FGD4: variants seen among roughly 807,000 people sequenced by gnomAD.
The protein encoded by FGD4 is FYVE, RhoGEF and PH domain containing 4.
Under a neutral mutation model 102.0 loss-of-function variants are expected in FGD4, and 42 were observed. The ratio of observed to expected loss-of-function variants is 0.41; its 90% CI spans 0.32 to 0.53. The LOEUF is 0.53. Ranked by LOEUF, FGD4 falls within the 20% of genes least tolerant of loss-of-function variation. The pLI, the probability that FGD4 is intolerant of heterozygous loss-of-function variation, is 0.21. For missense variants in FGD4, 902 were observed against 1,078.2 expected (o/e 0.84, Z 2.29); for synonymous variants, 380 against 375.7 (o/e 1.01, Z -0.13).
chr12:32,616,958 C>G (rs1224518450), intron 10 of FGD4, among the ~76,000 whole-genome samples: 2 of 151,904 alleles, frequency 1.3e-5, no homozygotes, highest in Admixed American at 1.3e-4. Context: ...TGCATCATAA[C>G]ATGCAGAAGG....
intron 1 of FGD4, among the ~76,000 whole-genome samples, chr12:32,561,073 TTG>T (rs1565841532): frequency 7.2e-5 from 7 of 97,102 alleles, no homozygotes; most frequent in South Asian, 4.0e-4. Flanking sequence ...TTGTTGGGTT[TTG>T]TTTTTTTTTT....
At chr12:32,607,882 TTC>T in intron 7 of FGD4, 73 bp from the exon 8 acceptor site, 1 of 1,563,172 alleles carries the variant, frequency 6.4e-7, no homozygotes, top group African/African-American at 1.4e-5. Context: ...TTGACGAAAG[TTC>T]TGTTTTACAG....
intron 14 of FGD4, among the ~76,000 whole-genome samples, chr12:32,631,595 G>T (rs1042141823): frequency 6.8e-6 from 1 of 146,882 alleles, no homozygotes; most frequent in African/African-American, 2.6e-5. Flanking sequence ...ACCTCCACCT[G>T]CTGGGTTCAA....
At chr12:32,583,290 T>C (rs1946758117) in intron 4 of FGD4, among the ~76,000 whole-genome samples, 1 of 152,176 alleles carries the variant, frequency 6.6e-6, no homozygotes, top group Admixed American at 6.5e-5. Context: ...TGAGCCATGA[T>C]TGTGCCACTG....
chr12:32,453,400 A>G (rs1468385879), intron 1 of FGD4, among the ~76,000 whole-genome samples: 1 of 151,244 alleles, frequency 6.6e-6, no homozygotes, highest in Non-Finnish European at 1.5e-5. Flanking sequence ...TGCCTGACTA[A>G]TTTTTGTATT....
At chr12:32,406,063 C>A (rs1166688874) in intron 1 of FGD4, among the ~76,000 whole-genome samples, 2 of 152,000 alleles carry the variant, frequency 1.3e-5, no homozygotes, top group African/African-American at 4.8e-5. Flanking sequence ...CCTGCCTTAT[C>A]CTCCCGAGTA....
intron 1 of FGD4, among the ~76,000 whole-genome samples, chr12:32,470,602 C>T (rs1943392033): frequency 1.3e-5 from 2 of 151,676 alleles, no homozygotes; most frequent in African/African-American, 4.8e-5. Flanking sequence ...CACAGGTGCA[C>T]ACCACTACAC....
chr12:32,608,173 T>C, intron 8 of FGD4, 78 bp downstream of exon 8: 1 of 1,547,480 alleles, frequency 6.5e-7, no homozygotes. Context: ...CAAAGAGAAA[T>C]ACATCTCACA....
chr12:32,622,175 G>A (rs543973623), intron 11 of FGD4, among the ~76,000 whole-genome samples: 1 of 152,286 alleles, frequency 6.6e-6, no homozygotes, highest in East Asian at 1.9e-4. Context: ...ATGAGCCACT[G>A]CGTCCAGCCT....
At chr12:32,446,297 G>A (rs1342561823) in intron 1 of FGD4, among the ~76,000 whole-genome samples, 1 of 152,236 alleles carries the variant, frequency 6.6e-6, no homozygotes, top group Non-Finnish European at 1.5e-5. Flanking sequence ...CATGGCTGGT[G>A]CACTGCTAGG....
chr12:32,552,502 G>A (rs1226638651), intron 1 of FGD4, among the ~76,000 whole-genome samples: 1 of 138,444 alleles, frequency 7.2e-6, no homozygotes, highest in Admixed American at 8.3e-5. Flanking sequence ...GGCTTCTCTC[G>A]AACTCCTGAC....
chr12:32,616,883 T>C (rs1231196190), intron 10 of FGD4, among the ~76,000 whole-genome samples: 1 of 152,210 alleles, frequency 6.6e-6, no homozygotes, highest in Non-Finnish European at 1.5e-5. Context: ...GGGTTTATTT[T>C]CTGCAGTTCT....
chr12:32,528,602 G>C (rs1941497929), intron 1 of FGD4, among the ~76,000 whole-genome samples: 1 of 152,088 alleles, frequency 6.6e-6, no homozygotes, highest in Non-Finnish European at 1.5e-5. Flanking sequence ...TGTTGACCAT[G>C]CTGTTCTCGA....
At chr12:32,600,278 T>C in intron 5 of FGD4, 1 of 237,998 alleles carries the variant, frequency 4.2e-6, no homozygotes, top group Non-Finnish European at 8.3e-6. Context: ...TCAAGTTGTG[T>C]GGTTTTCTAA....
chr12:32,431,805 T>C (rs1942054823), intron 1 of FGD4, among the ~76,000 whole-genome samples: 2 of 152,126 alleles, frequency 1.3e-5, no homozygotes, highest in Admixed American at 1.3e-4. Flanking sequence ...TCCCCTTTTT[T>C]TCTTCTAATA....
intron 4 of FGD4, among the ~76,000 whole-genome samples, chr12:32,584,488 T>C (rs1362715719): frequency 1.3e-5 from 2 of 152,212 alleles, no homozygotes; most frequent in African/African-American, 4.8e-5. Flanking sequence ...GGCTTGTCTA[T>C]TAACTAGCAG....
rs61928310 is a variant in FGD4, at chr12:32,539,828, A to G, written c.167-24309A>G. ...ACATTATTAGATTACATGACTTCTT[A>G]GAAATATGGAATCAATTTTGACTAT... On this transcript the variant is annotated intron_variant, in intron 1 of 16. Coordinates refer to ENST00000534526, the MANE Select transcript of FGD4 (RefSeq NM_001370298.3). Among the ~76,000 whole-genome samples the G allele has an allele frequency of 7.1e-3, 1,082 of 152,334 alleles. 15 individuals carry two copies. Among genetic ancestry groups the G allele is most frequent in the South Asian group, 0.051 (247 of 4,832 alleles).
chr12:32,448,882 CTGTT>C (rs1055424619), intron 1 of FGD4, among the ~76,000 whole-genome samples: 10 of 152,142 alleles, frequency 6.6e-5, no homozygotes, highest in Non-Finnish European at 1.2e-4. Flanking sequence ...ACAGATTAGA[CTGTT>C]TCCAAAGTGT....
chr12:32,492,783 AT>A (rs200878678), intron 1 of FGD4, among the ~76,000 whole-genome samples: 16 of 151,162 alleles, frequency 1.1e-4, no homozygotes, highest in Admixed American at 2.6e-4. Flanking sequence ...TATTTCTCTT[AT>A]TTTTTTTTGG....
Sources: gnomAD v4.1 joint callset for allele counts (sites outside exome capture counted in the v4.1 genomes callset) on GRCh38, gnomAD v4.1.1 for gene constraint, MANE v1.5 for transcripts, NCBI Gene and HGNC (gene_info 2026-07-23, HGNC 2026-07-21) for gene names.